The following ARIH1 variants were observed in gnomAD, a reference collection of about 807,000 sequenced individuals.
ARIH1 encodes E3 ubiquitin-protein ligase ARIH1.
In ARIH1, 8 loss-of-function variants were observed where a neutral mutation model predicts 85.0. The observed-to-expected ratio is 0.09, with a 90% CI of 0.06 to 0.17. The LOEUF is 0.17. ARIH1 is among the 10% of genes least tolerant of loss of function. The pLI, the probability that ARIH1 is intolerant of heterozygous loss-of-function variation, is 1.00. For missense variants in ARIH1, 311 were observed against 718.1 expected (o/e 0.43, Z 6.48); for synonymous variants, 238 against 253.6 (o/e 0.94, Z 0.59).
intron 1 of ARIH1, among the ~76,000 whole-genome samples, chr15:72,512,501 T>G (rs2063954902): frequency 6.6e-6 from 1 of 151,780 alleles, no homozygotes; most frequent in South Asian, 2.1e-4. Context: ...CTTTTGGTTT[T>G]GTTTCTCGGT....
chr15:72,572,318 A>G (rs1340338150), intron 11 of ARIH1, 153 bp downstream of exon 11: 2 of 504,128 alleles, frequency 4.0e-6, no homozygotes, highest in East Asian at 3.5e-5. Context: ...GCTCACTGCA[A>G]CCTCCACCTC....
intron 11 of ARIH1, among the ~76,000 whole-genome samples, chr15:72,575,646 T>C (rs1393251613): frequency 1.3e-5 from 2 of 151,932 alleles, no homozygotes; most frequent in African/African-American, 2.4e-5. Context: ...AGTTTCAGAA[T>C]TCTTAGATTA....
At position 72,587,278 on chromosome 15, in the gene ARIH1, G is replaced by A. The variant is rs1172705615; in HGVS notation, c.*3986G>A. On this transcript the variant is annotated 3_prime_UTR_variant, in exon 14 of 14. Transcript: ENST00000379887. ...GTTATTCTGGTCACAGAATGACCTA[G>A]TATTCTGTACCAGGGAAGGTAGTTC... 3.8e-6 allele frequency: 2 copies of A among 525,154 alleles called. No homozygotes were observed. Among genetic ancestry groups the A allele is most frequent in the African/African-American group, 2.0e-5 (1 of 51,206 alleles). The allele number at this position is 525,154 out of a possible 1,614,324, so 32.5% of individuals were successfully genotyped here.
intron 1 of ARIH1, among the ~76,000 whole-genome samples, chr15:72,517,681 C>T (rs1360810959): frequency 6.6e-6 from 1 of 152,150 alleles, no homozygotes; most frequent in Admixed American, 6.5e-5. Flanking sequence ...GCCTTGGCCT[C>T]TCTAAGTGCT....
At chr15:72,579,696 AT>A (rs11298734) in intron 11 of ARIH1, among the ~76,000 whole-genome samples, 10,316 of 152,230 alleles carry the variant, frequency 0.068, 530 homozygotes, top group East Asian at 0.16. Flanking sequence ...GGAAAGTACA[AT>A]TAATAGGACA....
Position 72,588,659 on chromosome 15 carries a change from G to C in ARIH1, c.*5367G>C, listed in dbSNP as rs1407148301. On this transcript the variant is annotated 3_prime_UTR_variant, in exon 14 of 14. Coordinates refer to ENST00000379887, the MANE Select transcript of ARIH1 (RefSeq NM_005744.5). ...TAGGGCCTCACTGGAGGCCCTAGTT[G>C]AGTGGGTTTTGTGGAATGGTGCCTC... 5 of 152,238 alleles carry C rather than the reference G, an allele frequency of 3.3e-5. No individual in the cohort carries two copies. Among genetic ancestry groups the C allele is most frequent in the African/African-American group, 1.2e-4 (5 of 41,458 alleles). 9.4% of individuals were successfully genotyped at this position (152,238 alleles called of 1,614,324 possible). A position where few individuals can be genotyped will look rare whatever the true frequency, so the allele number is the denominator to read the frequency against.
In ARIH1 at chr15:72,587,385, A is replaced by G. The variant is rs1370473664; in HGVS notation, c.*4093A>G. On this transcript the variant is annotated 3_prime_UTR_variant, in exon 14 of 14. Transcript: ENST00000379887. The stretch of plus-strand genomic sequence containing the variant: ...CTACTGTTAGAGGTTGCTCTATACT[A>G]TCTCTGATCTTTCATTTGTTGCAGT... 5.3e-6 allele frequency: 2 copies of G among 379,890 alleles called. No homozygotes were observed. The highest frequency in any genetic ancestry group is 4.3e-5 in the African/African-American group (2 of 46,786). The allele number at this position is 379,890 out of a possible 1,614,324, so 23.5% of individuals were successfully genotyped here.
At chr15:72,520,107 A>AC (rs527965731) in intron 2 of ARIH1, among the ~76,000 whole-genome samples, 1 of 152,182 alleles carries the variant, frequency 6.6e-6, no homozygotes, top group South Asian at 2.1e-4. Flanking sequence ...TTTTCTGGGA[A>AC]CCTTAAACTG....
intron 1 of ARIH1, among the ~76,000 whole-genome samples, chr15:72,479,202 A>T (rs965560829): frequency 7.2e-5 from 11 of 152,166 alleles, no homozygotes; most frequent in African/African-American, 2.7e-4. Flanking sequence ...CAGATTAGGG[A>T]TGTTGATTGT....
chr15:72,515,099 G>A (rs879788085), intron 1 of ARIH1, among the ~76,000 whole-genome samples: 2 of 152,178 alleles, frequency 1.3e-5, no homozygotes, highest in African/African-American at 4.8e-5. Context: ...ACTTTGGGAG[G>A]CCGAGGTGGG....
intron 1 of ARIH1, among the ~76,000 whole-genome samples, chr15:72,492,852 C>G (rs538498288): frequency 3.9e-5 from 6 of 152,104 alleles, no homozygotes; most frequent in African/African-American, 1.4e-4. Flanking sequence ...TTCTAGTCAC[C>G]CTTAGGAATG....
chr15:72,484,171 CAAAA>C (rs35300595), intron 1 of ARIH1, among the ~76,000 whole-genome samples: 49 of 117,620 alleles, frequency 4.2e-4, no homozygotes, highest in Non-Finnish European at 6.4e-4. Flanking sequence ...GAAACTCCAT[CAAAA>C]AAAAAAAAAA....
intron 3 of ARIH1, among the ~76,000 whole-genome samples, chr15:72,552,195 G>C (rs893902569): frequency 2.0e-5 from 3 of 152,144 alleles, no homozygotes; most frequent in African/African-American, 7.2e-5. Context: ...GCAGTGTAAA[G>C]GTTCATTAAT....
At chr15:72,479,064 C>T (rs1382783125) in intron 1 of ARIH1, among the ~76,000 whole-genome samples, 3 of 151,954 alleles carry the variant, frequency 2.0e-5, no homozygotes, top group Non-Finnish European at 2.9e-5. Context: ...CAGTCTCAAA[C>T]TCCTGGCCTC....
At chr15:72,497,943 T>C (rs2063886367) in intron 1 of ARIH1, among the ~76,000 whole-genome samples, 1 of 152,238 alleles carries the variant, frequency 6.6e-6, no homozygotes, top group African/African-American at 2.4e-5. Flanking sequence ...GTTTCTTGAA[T>C]GTGGAAGTGA....
At chr15:72,487,695 A>G (rs575059812) in intron 1 of ARIH1, among the ~76,000 whole-genome samples, 19 of 151,326 alleles carry the variant, frequency 1.3e-4, no homozygotes, top group Admixed American at 3.3e-4. Context: ...TGTTGTTGCT[A>G]TCCTTTTTAC....
chr15:72,495,723 T>C (rs766294022), intron 1 of ARIH1, among the ~76,000 whole-genome samples: 2 of 152,118 alleles, frequency 1.3e-5, no homozygotes, highest in Non-Finnish European at 2.9e-5. Context: ...GTCAGACAGG[T>C]ATTTGGGTTA....
rs563691585 is a variant in ARIH1, at chr15:72,510,873, A to T, written c.376-7194A>T. Among the ~76,000 whole-genome samples, 3 of 144,508 alleles carry T rather than the reference A, an allele frequency of 2.1e-5. No homozygotes were observed. In the South Asian group the frequency reaches 6.8e-4, roughly 33 times the overall value. The allele number at this position is 144,508 out of a possible 152,430, so 94.8% of individuals were successfully genotyped here. ...TCTCCATTCCATTCTTTTGATCTGT[A>T]TATCTTTTTGCCAGTACTGTAACTT... is the stretch of plus-strand genomic sequence containing the variant. On this transcript the variant is annotated intron_variant, in intron 1 of 13. Coordinates refer to ENST00000379887, the MANE Select transcript of ARIH1 (RefSeq NM_005744.5).
chr15:72,479,867 CTT>C (rs751458550), intron 1 of ARIH1, among the ~76,000 whole-genome samples: 1 of 143,190 alleles, frequency 7.0e-6, no homozygotes. Flanking sequence ...GTGTACTATT[CTT>C]TTTTTTTTTT....
Sources: gnomAD v4.1 joint callset for allele counts (sites outside exome capture counted in the v4.1 genomes callset) on GRCh38, gnomAD v4.1.1 for gene constraint, MANE v1.5 for transcripts, NCBI Gene and HGNC (gene_info 2026-07-23, HGNC 2026-07-21) for gene names.